Variants in ETFA observed in about 807,000 individuals in gnomAD.
ETFA encodes the protein electron transfer flavoprotein subunit alpha, also known as electron transfer flavoprotein subunit alpha, mitochondrial.
A neutral mutation model predicts 46.2 loss-of-function variants in ETFA; 22 were observed. The ratio of observed to expected loss-of-function variants is 0.48; its 90% CI spans 0.34 to 0.68. The LOEUF (loss-of-function observed/expected upper bound fraction) is 0.68, where lower values mean the gene tolerates loss of function less well. ETFA is among the 30% of genes least tolerant of loss of function. The pLI is 0.01. For synonymous variants in ETFA, 131 were observed against 139.9 expected, an observed-to-expected ratio of 0.94 and a Z score of 0.45; for missense variants, 345 against 401.1, an observed-to-expected ratio of 0.86 and a Z score of 1.19.
intron 10 of ETFA, 113 bp from the exon 11 acceptor site, chr15:76,226,042 G>T: frequency 1.4e-6 from 1 of 712,460 alleles, no homozygotes; most frequent in Non-Finnish European, 2.5e-6. Context: ...TACCAAATAA[G>T]ATTTGAGGCA....
At chr15:76,311,241 C>A in intron 1 of ETFA, 109 bp downstream of exon 1, 2 of 1,318,768 alleles carry the variant, frequency 1.5e-6, no homozygotes, top group Non-Finnish European at 1.1e-6. Context: ...GGCCTGCGGG[C>A]GCGAGGGCTG....
intron 9 of ETFA, among the ~76,000 whole-genome samples, chr15:76,241,357 A>T (rs1385208234): frequency 6.6e-6 from 1 of 152,040 alleles, no homozygotes; most frequent in Non-Finnish European, 1.5e-5. Flanking sequence ...AAAACAAATT[A>T]GCTGGGTGTG....
At chr15:76,247,283 G>A (rs1189794922) in intron 9 of ETFA, among the ~76,000 whole-genome samples, 1 of 152,208 alleles carries the variant, frequency 6.6e-6, no homozygotes, top group African/African-American at 2.4e-5. Context: ...CTACTCAGCA[G>A]CTGTATCTCA....
At chr15:76,273,385 C>G (rs1445484184) in intron 9 of ETFA, among the ~76,000 whole-genome samples, 1 of 151,990 alleles carries the variant, frequency 6.6e-6, no homozygotes, top group African/African-American at 2.4e-5. Flanking sequence ...GAAACCCCAT[C>G]TCTACTAAAA....
chr15:76,259,497 T>G, intron 9 of ETFA: 1 of 856,286 alleles, frequency 1.2e-6, no homozygotes, highest in Non-Finnish European at 2.1e-6. Flanking sequence ...GTTGTAAATC[T>G]CAGTGTTTTC....
rs140958410 is a variant in ETFA at position 76,219,594 on chromosome 15, T to C, written c.964-2997A>G. ...TCATATCTCTGATAAGTGTTTAGTA[T>C]CCAGAATATGTAAAGAATTCACACA... On this transcript the variant is annotated intron_variant, in intron 11 of 11. Coordinates refer to ENST00000557943, the MANE Select transcript of ETFA (RefSeq NM_000126.4). 7.3e-3 allele frequency among the ~76,000 whole-genome samples: 1,110 copies of C among 152,282 alleles called. 18 individuals carry two copies. The highest frequency in any genetic ancestry group is 0.025 in the African/African-American group (1,056 of 41,552).
At chr15:76,285,053 G>A in intron 7 of ETFA, 1 of 241,674 alleles carries the variant, frequency 4.1e-6, no homozygotes, top group Non-Finnish European at 8.4e-6. Context: ...ATGTTTAATT[G>A]CAAGGATTTA....
chr15:76,270,203 A>G (rs2039514558), intron 9 of ETFA, among the ~76,000 whole-genome samples: 1 of 152,204 alleles, frequency 6.6e-6, no homozygotes, highest in African/African-American at 2.4e-5. Flanking sequence ...TGGGGAGGGT[A>G]TCTATACAGG....
At chr15:76,225,384 G>A (rs2038993895) in intron 11 of ETFA, among the ~76,000 whole-genome samples, 1 of 152,130 alleles carries the variant, frequency 6.6e-6, no homozygotes, top group Non-Finnish European at 1.5e-5. Flanking sequence ...CGCCTCCTGG[G>A]TTCACACTAT....
chr15:76,295,307 C>T (rs2039806578), intron 2 of ETFA, among the ~76,000 whole-genome samples: 1 of 152,190 alleles, frequency 6.6e-6, no homozygotes, highest in Non-Finnish European at 1.5e-5. Flanking sequence ...AGCTATTAAC[C>T]TCTAAGGGGA....
rs955485653 is a variant in ETFA, at chr15:76,260,638, G to T, written c.816+13774C>A. The T allele has an allele frequency of 1.2e-5, 18 of 1,537,716 alleles. No individual in the cohort carries two copies. The Admixed American group carries it at 3.1e-4, about 27-fold the overall frequency. On this transcript the variant is annotated intron_variant, in intron 9 of 11. Transcript: ENST00000557943. ...TCTTAAACCCAGGACAGTTTATAGG[G>T]TCCCAGGGGGCCTTCCAAAGGGCCC...
chr15:76,304,217 C>T (rs569076796), intron 1 of ETFA, among the ~76,000 whole-genome samples: 3 of 152,312 alleles, frequency 2.0e-5, no homozygotes, highest in Admixed American at 6.5e-5. Context: ...AATGTTCTCT[C>T]TTGTAAGTGG....
At chr15:76,276,279 C>G (rs988408966) in intron 8 of ETFA, among the ~76,000 whole-genome samples, 2 of 151,966 alleles carry the variant, frequency 1.3e-5, no homozygotes, top group Admixed American at 6.6e-5. Context: ...ACTACACTCT[C>G]TTCTGCTTGC....
intron 5 of ETFA, among the ~76,000 whole-genome samples, chr15:76,287,438 G>A (rs910856530): frequency 2.4e-4 from 37 of 152,140 alleles, no homozygotes; most frequent in Non-Finnish European, 5.0e-4. Flanking sequence ...AAAGTGCTGG[G>A]ATTATAGGCA....
At chr15:76,295,182 C>T (rs1422583747) in intron 2 of ETFA, among the ~76,000 whole-genome samples, 1 of 152,190 alleles carries the variant, frequency 6.6e-6, no homozygotes, top group African/African-American at 2.4e-5. Flanking sequence ...TAGTACTTAA[C>T]ATTCAAATTC....
chr15:76,250,424 C>T (rs927942976), intron 9 of ETFA, among the ~76,000 whole-genome samples: 6 of 151,896 alleles, frequency 4.0e-5, no homozygotes, highest in Admixed American at 6.6e-5. Flanking sequence ...GCCTCTAAAT[C>T]ATTCATCATA....
intron 1 of ETFA, among the ~76,000 whole-genome samples, chr15:76,297,749 G>A (rs955039047): frequency 2.6e-5 from 4 of 152,142 alleles, no homozygotes; most frequent in Admixed American, 1.3e-4. Flanking sequence ...AACCCACTCA[G>A]TCCATCTAGC....
intron 9 of ETFA, among the ~76,000 whole-genome samples, chr15:76,256,278 A>G (rs1377287369): frequency 6.6e-6 from 1 of 151,902 alleles, no homozygotes; most frequent in East Asian, 1.9e-4. Context: ...AAAAAAAAAA[A>G]AAAAATATTA....
intron 9 of ETFA, among the ~76,000 whole-genome samples, chr15:76,236,270 T>C (rs1299871871): frequency 1.3e-5 from 2 of 152,264 alleles, no homozygotes; most frequent in Admixed American, 6.5e-5. Flanking sequence ...GATACATCTA[T>C]ACTTATATAT....
Sources: gnomAD v4.1 joint callset for allele counts (sites outside exome capture counted in the v4.1 genomes callset) on GRCh38, gnomAD v4.1.1 for gene constraint, MANE v1.5 for transcripts, NCBI Gene and HGNC (gene_info 2026-07-23, HGNC 2026-07-21) for gene names.